The following DPP10 variants were observed in gnomAD, a reference collection of about 807,000 sequenced individuals.
The protein encoded by DPP10 is dipeptidyl peptidase like 10.
A neutral mutation model predicts 120.9 loss-of-function variants in DPP10; 33 were observed. The observed-to-expected ratio is 0.27, with a 90% confidence interval of 0.21 to 0.37. DPP10 has a LOEUF of 0.37. DPP10 is among the 10% of genes least tolerant of loss of function. The probability of loss-of-function intolerance (pLI) is 1.00; values close to 1 mark genes in which losing one functional copy is unlikely to be tolerated. For missense variants in DPP10, 816 were observed against 942.8 expected (o/e 0.87, Z 1.76); for synonymous variants, 337 against 326.1 (o/e 1.03, Z -0.36).
At chr2:114,833,090 C>A (rs1369521570) in intron 1 of DPP10, among the ~76,000 whole-genome samples, 1 of 151,954 alleles carries the variant, frequency 6.6e-6, no homozygotes, top group South Asian at 2.1e-4. Context: ...GGATTAAAAT[C>A]TTGGCATTCT....
intron 1 of DPP10, among the ~76,000 whole-genome samples, chr2:114,993,826 T>G (rs994390998): frequency 1.3e-5 from 2 of 152,022 alleles, no homozygotes; most frequent in African/African-American, 4.8e-5. Flanking sequence ...TTTGAATAGA[T>G]TTTGAGAAGC....
At chr2:115,751,577 G>A (rs1031401655) in intron 10 of DPP10, among the ~76,000 whole-genome samples, 17 of 152,172 alleles carry the variant, frequency 1.1e-4, no homozygotes, top group African/African-American at 3.6e-4. Context: ...TGTATGTCAA[G>A]TTATGCTTGC....
At chr2:115,538,913 T>G (rs1170266043) in intron 5 of DPP10, among the ~76,000 whole-genome samples, 1 of 152,052 alleles carries the variant, frequency 6.6e-6, no homozygotes, top group African/African-American at 2.4e-5. Context: ...TTATGTATCA[T>G]ATTCATGATA....
intron 21 of DPP10, among the ~76,000 whole-genome samples, chr2:115,833,246 A>G (rs1018907235): frequency 1.3e-5 from 2 of 152,182 alleles, no homozygotes; most frequent in African/African-American, 4.8e-5. Flanking sequence ...TATTCTATCA[A>G]TGTTTTCAGG....
chr2:114,712,893 T>C (rs1348604838), intron 1 of DPP10, among the ~76,000 whole-genome samples: 1 of 152,112 alleles, frequency 6.6e-6, no homozygotes, highest in African/African-American at 2.4e-5. Context: ...TTTCAAAGTC[T>C]ACATAGAATA....
rs569741993 is a variant in DPP10, at chr2:114,887,307, T to C, written c.61-421932T>C. Among the ~76,000 whole-genome samples, 87 of 152,332 alleles carry C rather than the reference T, an allele frequency of 5.7e-4. 1 individual carries two copies. The highest frequency in any genetic ancestry group is 1.8e-3 in the African/African-American group (75 of 41,590). On this transcript the variant is annotated intron_variant, in intron 1 of 25. Coordinates refer to ENST00000410059, the MANE Select transcript of DPP10 (RefSeq NM_020868.6). ...ATTTAGAGGAGACTAAAATTTAAGA[T>C]TACTTAAGGTAGGCTCGGGAGAAAA... is the stretch of plus-strand genomic sequence containing the variant.
At chr2:115,061,284 C>A (rs570479642) in intron 1 of DPP10, among the ~76,000 whole-genome samples, 1 of 152,154 alleles carries the variant, frequency 6.6e-6, no homozygotes, top group Admixed American at 6.5e-5. Flanking sequence ...TTTGACTATT[C>A]GTTATTAAAA....
chr2:115,707,421 TACAC>T (rs35961586), intron 7 of DPP10, among the ~76,000 whole-genome samples: 32,235 of 138,594 alleles, frequency 0.23, 3,825 homozygotes, highest in African/African-American at 0.3. Context: ...AAACAAATTT[TACAC>T]ACACACACAC....
At chr2:115,816,823 G>A (rs1687283812) in intron 21 of DPP10, among the ~76,000 whole-genome samples, 1 of 149,844 alleles carries the variant, frequency 6.7e-6, no homozygotes, top group Non-Finnish European at 1.5e-5. Context: ...TCACCATGTT[G>A]GCCAGATGGT....
chr2:114,760,044 C>A (rs1317440709), intron 1 of DPP10, among the ~76,000 whole-genome samples: 2 of 152,194 alleles, frequency 1.3e-5, no homozygotes, highest in African/African-American at 4.8e-5. Flanking sequence ...CATTACCACC[C>A]TAATCTGAGC....
At chr2:115,668,991 A>AT (rs887194032) in intron 5 of DPP10, among the ~76,000 whole-genome samples, 3 of 151,656 alleles carry the variant, frequency 2.0e-5, no homozygotes, top group African/African-American at 7.3e-5. Context: ...TTCCCTTAGG[A>AT]TTTTTTTTCT....
At chr2:115,397,533 A>G (rs1026463759) in intron 3 of DPP10, among the ~76,000 whole-genome samples, 1 of 152,204 alleles carries the variant, frequency 6.6e-6, no homozygotes. Flanking sequence ...GGTTAGACAT[A>G]TATGAATTAC....
At chr2:115,311,824 G>A (rs902767457) in intron 2 of DPP10, among the ~76,000 whole-genome samples, 1 of 152,086 alleles carries the variant, frequency 6.6e-6, no homozygotes, top group African/African-American at 2.4e-5. Context: ...GGACTGCAGT[G>A]GTGCAATCAT....
chr2:114,972,269 CA>C (rs1348864833), intron 1 of DPP10, among the ~76,000 whole-genome samples: 3 of 152,154 alleles, frequency 2.0e-5, no homozygotes, highest in Non-Finnish European at 4.4e-5. Flanking sequence ...GTTAGGGAAA[CA>C]ACTGATTAGG....
chr2:115,293,604 AG>A (rs1244618466), intron 1 of DPP10, among the ~76,000 whole-genome samples: 1 of 152,124 alleles, frequency 6.6e-6, no homozygotes, highest in Admixed American at 6.5e-5. Flanking sequence ...GAAGAATAAA[AG>A]AAATTATGTT....
At chr2:115,569,944 A>AAATTT (rs1005099308) in intron 5 of DPP10, among the ~76,000 whole-genome samples, 5 of 151,400 alleles carry the variant, frequency 3.3e-5, no homozygotes, top group African/African-American at 1.2e-4. Context: ...AAAATTAGAT[A>AAATTT]AAAATAATCA....
chr2:114,499,904 A>T (rs954404691), intron 1 of DPP10, among the ~76,000 whole-genome samples: 3 of 152,216 alleles, frequency 2.0e-5, no homozygotes, highest in African/African-American at 7.2e-5. Flanking sequence ...TTCTATTGCC[A>T]GTTTGAACTT....
intron 1 of DPP10, among the ~76,000 whole-genome samples, chr2:114,477,722 T>C (rs577290285): frequency 2.0e-4 from 21 of 105,310 alleles, no homozygotes; most frequent in East Asian, 6.5e-4. Flanking sequence ...TATATATATA[T>C]ACATATATAC....
chr2:115,449,446 C>G (rs72842206), intron 3 of DPP10, among the ~76,000 whole-genome samples: 10 of 152,002 alleles, frequency 6.6e-5, no homozygotes, highest in Non-Finnish European at 1.5e-4. Context: ...GAGTGGGGGG[C>G]CAATATAATG....
Sources: allele counts gnomAD v4.1 joint callset (sites outside exome capture counted in the v4.1 genomes callset), GRCh38; gene constraint gnomAD v4.1.1; transcripts MANE v1.5; gene names NCBI Gene and HGNC (gene_info 2026-07-23, HGNC 2026-07-21).